Variants in NTRK2 observed in about 807,000 individuals in gnomAD.
NTRK2 encodes the protein neurotrophic receptor tyrosine kinase 2.
In NTRK2, 13 loss-of-function variants were observed where a neutral mutation model predicts 94.5. The observed-to-expected ratio is 0.14, with a 90% CI of 0.09 to 0.22. The LOEUF is 0.22. NTRK2 is among the 10% of genes least tolerant of loss of function. The pLI is 1.00. For missense variants in NTRK2, 639 were observed against 1,071.2 expected, an observed-to-expected ratio of 0.60 and a Z score of 5.63; for synonymous variants, 372 against 407.4, an observed-to-expected ratio of 0.91 and a Z score of 1.05.
At chr9:84,943,865 C>T (rs1339591712) in intron 15 of NTRK2, among the ~76,000 whole-genome samples, 6 of 152,060 alleles carry the variant, frequency 3.9e-5, no homozygotes, top group Non-Finnish European at 7.3e-5. Context: ...AAAATTCTGC[C>T]CTTACAGTGC....
intron 2 of NTRK2, among the ~76,000 whole-genome samples, chr9:84,683,096 T>A (rs1284378130): frequency 6.6e-6 from 1 of 152,178 alleles, no homozygotes; most frequent in Non-Finnish European, 1.5e-5. Context: ...ATGCATAATT[T>A]TATCTATAGG....
intron 16 of NTRK2, among the ~76,000 whole-genome samples, chr9:84,954,546 A>C (rs1172584020): frequency 1.3e-5 from 2 of 152,220 alleles, no homozygotes; most frequent in African/African-American, 4.8e-5. Context: ...GAGTTCTCCT[A>C]TGTGTTGGCC....
chr9:84,855,585 T>A (rs1053707164), intron 12 of NTRK2, among the ~76,000 whole-genome samples: 3 of 151,734 alleles, frequency 2.0e-5, no homozygotes, highest in Admixed American at 1.3e-4. Context: ...AAGCATATTT[T>A]TTTTTTTTTT....
intron 14 of NTRK2, among the ~76,000 whole-genome samples, chr9:84,896,256 G>A (rs1211932109): frequency 1.3e-5 from 2 of 152,198 alleles, no homozygotes; most frequent in Non-Finnish European, 2.9e-5. Flanking sequence ...TGTGACATAC[G>A]CCCTGTGTGC....
chr9:85,010,277 T>C (rs555211124), intron 17 of NTRK2, among the ~76,000 whole-genome samples: 43 of 152,194 alleles, frequency 2.8e-4, no homozygotes, highest in Non-Finnish European at 5.3e-4. Context: ...CATAATGCCA[T>C]CATCATAACA....
intron 14 of NTRK2, among the ~76,000 whole-genome samples, chr9:84,905,275 GGTGTGTGTGTGTGT>G (rs58470162): frequency 1.4e-5 from 2 of 147,846 alleles, no homozygotes; most frequent in South Asian, 2.2e-4. Context: ...GGTTTTAGAG[GGTGTGTGTGTGTGT>G]GTGTGTGTGT....
chr9:84,872,722 GT>G, intron 14 of NTRK2: 1 of 1,064,708 alleles, frequency 9.4e-7, no homozygotes, highest in Non-Finnish European at 1.1e-6. Flanking sequence ...GTGTATATGT[GT>G]GTTTGTGTGT....
At chr9:84,727,511 T>C in intron 8 of NTRK2, 143 bp from the exon 9 acceptor site, 1 of 789,932 alleles carries the variant, frequency 1.3e-6, no homozygotes, top group Non-Finnish European at 2.1e-6. Context: ...TACAAAATAC[T>C]GATGGATTCC....
intron 12 of NTRK2, among the ~76,000 whole-genome samples, chr9:84,765,995 C>T (rs1316921092): frequency 2.0e-5 from 3 of 151,998 alleles, no homozygotes; most frequent in African/African-American, 7.3e-5. Flanking sequence ...CAGTGCACTG[C>T]AAATTTAAAA....
At chr9:84,844,643 C>G (rs2074365715) in intron 12 of NTRK2, among the ~76,000 whole-genome samples, 1 of 111,522 alleles carries the variant, frequency 9.0e-6, no homozygotes, top group Non-Finnish European at 1.8e-5. Context: ...CAATGTAATA[C>G]CTCACTCACA....
chr9:84,676,064 T>G (rs1377846232), intron 2 of NTRK2, among the ~76,000 whole-genome samples: 4 of 152,170 alleles, frequency 2.6e-5, no homozygotes, highest in African/African-American at 9.7e-5. Context: ...AAAAAGCATA[T>G]CATGGAAAGC....
At chr9:84,748,568 C>G (rs1346483176) in intron 11 of NTRK2, among the ~76,000 whole-genome samples, 1 of 152,132 alleles carries the variant, frequency 6.6e-6, no homozygotes, top group African/African-American at 2.4e-5. Flanking sequence ...ATCTAGGACT[C>G]CTAAATCCCA....
At chr9:84,928,793 C>T (rs2077914443) in intron 14 of NTRK2, among the ~76,000 whole-genome samples, 1 of 152,098 alleles carries the variant, frequency 6.6e-6, no homozygotes. Context: ...ACAGGGAAAC[C>T]GAGAGAGAGA....
At chr9:84,918,828 A>G (rs2077474067) in intron 14 of NTRK2, among the ~76,000 whole-genome samples, 1 of 152,196 alleles carries the variant, frequency 6.6e-6, no homozygotes. Flanking sequence ...CTAGAACTTC[A>G]TGATAATGCT....
intron 13 of NTRK2, among the ~76,000 whole-genome samples, chr9:84,863,220 A>C (rs7048015): frequency 0.28 from 43,227 of 152,012 alleles, 7,333 homozygotes; most frequent in African/African-American, 0.46. Context: ...CCCCAGATGA[A>C]CTTCGTGATT....
chr9:84,704,238 T>TC (rs1260004954), intron 4 of NTRK2, among the ~76,000 whole-genome samples: 1 of 141,956 alleles, frequency 7.0e-6, no homozygotes, highest in East Asian at 2.0e-4. Flanking sequence ...TTTTTTTTTT[T>TC]TTTTTTTTGA....
rs527964612 is a variant in NTRK2, at chr9:84,723,782, A to G, written c.720+73A>G. 1.3e-4 allele frequency: 200 copies of G among 1,573,138 alleles called. 1 individual carries two copies. In the Middle Eastern group the frequency reaches 6.1e-3, roughly 48 times the overall value. ...CAGAATGCGAGAATGTATTAAACCT[A>G]GTGATGATCATTTGATATTTTATAA... is the stretch of plus-strand genomic sequence containing the variant. On this transcript the variant is annotated intron_variant, in intron 7 of 18. Transcript: ENST00000277120.
intron 4 of NTRK2, among the ~76,000 whole-genome samples, chr9:84,707,493 T>G (rs1309032409): frequency 1.3e-5 from 2 of 152,230 alleles, no homozygotes; most frequent in African/African-American, 2.4e-5. Flanking sequence ...AGTTTTAAAT[T>G]TTATTTAATC....
rs938603930 is a variant in NTRK2 at position 84,670,640 on chromosome 9, C to A, written c.-109C>A. The A allele has an allele frequency of 9.3e-7, 1 of 1,072,296 alleles. No individual in the cohort carries two copies. Among genetic ancestry groups the A allele is most frequent in the Non-Finnish European group, 1.4e-6 (1 of 704,524 alleles). The allele number at this position is 1,072,296 out of a possible 1,614,324, so 66.4% of individuals were successfully genotyped here. A position where few individuals can be genotyped will look rare whatever the true frequency, so the allele number is the denominator to read the frequency against. On this transcript the variant is annotated 5_prime_UTR_variant, in exon 2 of 19. Transcript: ENST00000277120. The stretch of plus-strand genomic sequence containing the variant: ...GACTCGGCACGCCCGCAACAAGCAC[C>A]GAGGAGTTAAGAGAGCCGCAAGCGC...
Sources: allele counts gnomAD v4.1 joint callset (sites outside exome capture counted in the v4.1 genomes callset), GRCh38; gene constraint gnomAD v4.1.1; transcripts MANE v1.5; gene names NCBI Gene and HGNC (gene_info 2026-07-23, HGNC 2026-07-21).